CDKL5: variants seen among roughly 807,000 people sequenced by gnomAD.
CDKL5 encodes the protein cyclin dependent kinase like 5.
CDKL5 carries 8 observed loss-of-function variants against 61.7 expected under a neutral mutation model. That is an observed-to-expected ratio of 0.13 (90% CI 0.08 to 0.23). The LOEUF (loss-of-function observed/expected upper bound fraction) is 0.23. CDKL5 is among the 10% of genes least tolerant of loss of function. CDKL5 has a pLI of 1.00. For synonymous variants in CDKL5, 275 were observed against 272.3 expected (o/e 1.01, Z -0.10); for missense variants, 440 against 734.5 (o/e 0.60, Z 4.63).
chrX:18,477,789 T>C (rs953761487), intron 1 of CDKL5, among the ~76,000 whole-genome samples: 1 of 112,250 alleles, frequency 8.9e-6, no homozygotes, highest in African/African-American at 3.2e-5. Context: ...ACCTGAGATA[T>C]GTTGTTAAAA....
rs1320447239 is a variant in CDKL5, at chrX:18,579,877, A to G, written c.312A>G (p.Pro104=). The change falls in exon 6 of 18, where the codon CCA becomes CCG. Residue 104 remains proline, a synonymous_variant. Transcript: ENST00000623535. ...KNMLELLEEM[P]NGVPPEKVKS... is the part of the protein sequence containing the mutation. The stretch of plus-strand genomic sequence containing the variant: ...TGCTCGAATTGCTGGAAGAAATGCC[A>G]AATGGAGTTCCACCTGAGAAAGTAA... The G allele has an allele frequency of 8.3e-7, 1 of 1,205,405 alleles. No individual in the cohort carries two copies. Among genetic ancestry groups the G allele is most frequent in the Non-Finnish European group, 1.1e-6 (1 of 889,826 alleles).
intron 1 of CDKL5, among the ~76,000 whole-genome samples, chrX:18,494,728 G>A (rs1385745742): frequency 8.9e-6 from 1 of 112,391 alleles, no homozygotes; most frequent in Non-Finnish European, 1.9e-5. Flanking sequence ...GGGTAGGGAG[G>A]CACATAACAT....
At chrX:18,643,016 G>T (rs1383434765), downstream of CDKL5, among the ~76,000 whole-genome samples, 2 of 111,894 alleles carry the variant, frequency 1.8e-5, no homozygotes, top group African/African-American at 6.5e-5. Context: ...TTGCACTCCA[G>T]CCTGGGCAAC....
At chrX:18,522,850 C>T (rs1169025524) in intron 3 of CDKL5, among the ~76,000 whole-genome samples, 1 of 92,903 alleles carries the variant, frequency 1.1e-5, no homozygotes, top group African/African-American at 4.1e-5. Context: ...GGCTGTAGTG[C>T]AGTAGTGTGA....
chrX:18,579,907 C>T lies in CDKL5; in HGVS notation c.342C>T (p.Ser114=). The change falls in exon 6 of 18, where the codon AGC becomes AGT. Residue 114 remains serine, a synonymous_variant. Transcript: ENST00000623535. ...GAGTTCCACCTGAGAAAGTAAAAAG[C>T]TACATCTATCAGCTAATCAAGGCTA... The part of the protein sequence containing the change: ...PNGVPPEKVK[S]YIYQLIKAIH... 1.7e-6 allele frequency: 2 copies of T among 1,195,121 alleles called. No individual in the cohort carries two copies. Among genetic ancestry groups the T allele is most frequent in the Non-Finnish European group, 2.3e-6 (2 of 880,837 alleles).
Position 18,607,705 on chromosome X carries a change from A to G in CDKL5, c.1945-1106A>G, listed in dbSNP as rs771978169. ...TGAATCCTAGGAATCACTCCCATGC[A>G]AAGTATCGGGCCACCTTGAAAAGCA... On this transcript the variant is annotated intron_variant, in intron 12 of 17. Transcript: ENST00000623535. 2.5e-3 allele frequency among the ~76,000 whole-genome samples: 276 copies of G among 112,199 alleles called. 1 individual carries two copies. Among genetic ancestry groups the G allele is most frequent in the Non-Finnish European group, 4.0e-3 (215 of 53,234 alleles).
chrX:18,563,327 G>C (rs1370036969), intron 3 of CDKL5, among the ~76,000 whole-genome samples: 2 of 111,629 alleles, frequency 1.8e-5, no homozygotes, highest in Non-Finnish European at 3.8e-5. Context: ...TTTGTACTAC[G>C]TGGGATAATA....
chrX:18,581,975 T>C, intron 7 of CDKL5, 25 bp downstream of exon 7: 1 of 1,031,822 alleles, frequency 9.7e-7, no homozygotes, highest in Admixed American at 2.2e-5. Context: ...AATTAAGTCC[T>C]GGTACTTACA....
chrX:18,557,992 G>C (rs1220313447), intron 3 of CDKL5, among the ~76,000 whole-genome samples: 2 of 109,950 alleles, frequency 1.8e-5, no homozygotes, highest in African/African-American at 6.6e-5. Flanking sequence ...TTTTTTTCCA[G>C]CTGGGGAAAT....
chrX:18,634,688 G>A lies in CDKL5; in HGVS notation c.*5931G>A, dbSNP rs1342762157. The A allele has an allele frequency of 2.4e-5, 18 of 752,795 alleles. No homozygotes were observed. Among genetic ancestry groups the A allele is most frequent in the Non-Finnish European group, 2.8e-5 (18 of 638,647 alleles). The allele number at this position is 752,795 out of a possible 1,213,427, so 62.0% of individuals were successfully genotyped here. A position where few individuals can be genotyped will look rare whatever the true frequency, so the allele number is the denominator to read the frequency against. On this transcript the variant is annotated 3_prime_UTR_variant, in exon 18 of 18. Coordinates refer to ENST00000623535, the MANE Select transcript of CDKL5 (RefSeq NM_001323289.2). The stretch of plus-strand genomic sequence containing the variant: ...TCGAGTCAGGCTAGAGGGGTAATAC[G>A]GTGATTAAAAGAAGTAAATTCTCAC...
intron 3 of CDKL5, among the ~76,000 whole-genome samples, chrX:18,552,236 T>TGGG (rs1310348454): frequency 1.2e-5 from 1 of 82,185 alleles, no homozygotes; most frequent in Non-Finnish European, 2.3e-5. Context: ...AGACTCCGTC[T>TGGG]CAAAAAAAAA....
Position 18,629,018 on chromosome X carries a change from T to C in CDKL5, c.*261T>C. The C allele has an allele frequency of 5.4e-6, 5 of 924,275 alleles. No individual in the cohort carries two copies. Among genetic ancestry groups the C allele is most frequent in the Non-Finnish European group, 6.7e-6 (5 of 746,812 alleles). 76.2% of individuals were successfully genotyped at this position (924,275 alleles called of 1,213,427 possible). On this transcript the variant is annotated 3_prime_UTR_variant, in exon 18 of 18. Transcript: ENST00000623535. ...GTGTGAGAATAGATAGAGTGTGCCA[T>C]TGAGGAAGAAGAAATTCTTGCCAGT...
At chrX:18,616,552 G>A (rs1926719804) in intron 15 of CDKL5, among the ~76,000 whole-genome samples, 1 of 109,194 alleles carries the variant, frequency 9.2e-6, no homozygotes, top group African/African-American at 3.3e-5. Context: ...TTGAACCCAG[G>A]AGGTGGAGGT....
intron 3 of CDKL5, among the ~76,000 whole-genome samples, chrX:18,562,647 A>C (rs778615559): frequency 8.9e-6 from 1 of 112,044 alleles, no homozygotes; most frequent in African/African-American, 3.2e-5. Flanking sequence ...TGAAATGTTA[A>C]ATTCTTTCCA....
chrX:18,439,045 G>GCCCCCCCCCCCCCCCCCCCCC (rs367844172), intron 1 of CDKL5, among the ~76,000 whole-genome samples: 1 of 37,485 alleles, frequency 2.7e-5, no homozygotes, highest in Non-Finnish European at 4.4e-5. Flanking sequence ...GCCCCTTTTT[G>GCCCCCCCCCCCCCCCCCCCCC]CCCCCCCCCC....
intron 3 of CDKL5, among the ~76,000 whole-genome samples, chrX:18,522,792 GA>G (rs1241900485): frequency 3.0e-5 from 3 of 101,113 alleles, no homozygotes; most frequent in African/African-American, 1.1e-4. Context: ...AAATATTATC[GA>G]TTTTTTTTTT....
At chrX:18,491,980 T>C (rs1410996319) in intron 1 of CDKL5, among the ~76,000 whole-genome samples, 6 of 111,236 alleles carry the variant, frequency 5.4e-5, no homozygotes, top group Non-Finnish European at 1.1e-4. Context: ...GTATACATTA[T>C]GTGGTGTGTG....
At chrX:18,441,556 G>A (rs143958238) in intron 1 of CDKL5, among the ~76,000 whole-genome samples, 91 of 111,840 alleles carry the variant, frequency 8.1e-4, no homozygotes, top group Non-Finnish European at 1.4e-3. Flanking sequence ...TGGTGGTGGG[G>A]GGGCTTAGAA....
intron 1 of CDKL5, among the ~76,000 whole-genome samples, chrX:18,429,667 A>C (rs927414733): frequency 1.1e-4 from 12 of 111,514 alleles, no homozygotes; most frequent in Non-Finnish European, 2.3e-4. Flanking sequence ...ACCGGGTCTC[A>C]CTCTGTTGCC....
Sources: gnomAD v4.1 joint callset for allele counts (sites outside exome capture counted in the v4.1 genomes callset) on GRCh38, gnomAD v4.1.1 for gene constraint, MANE v1.5 for transcripts, NCBI Gene and HGNC (gene_info 2026-07-23, HGNC 2026-07-21) for gene names.